Variants in ZNRF3 observed in about 807,000 individuals in gnomAD.
ZNRF3 encodes E3 ubiquitin-protein ligase ZNRF3.
In ZNRF3, 23 loss-of-function variants were observed where a neutral mutation model predicts 72.5. The observed-to-expected ratio is 0.32, with a 90% CI of 0.23 to 0.45. The LOEUF is 0.45. ZNRF3 is among the 20% of genes least tolerant of loss of function. ZNRF3 has a pLI of 1.00. For synonymous variants in ZNRF3, 610 were observed against 545.3 expected (o/e 1.12, Z -1.65); for missense variants, 1,169 against 1,272.1 (o/e 0.92, Z 1.23).
intron 1 of ZNRF3, among the ~76,000 whole-genome samples, chr22:28,911,488 G>T (rs2034316271): frequency 6.6e-6 from 1 of 152,168 alleles, no homozygotes; most frequent in African/African-American, 2.4e-5. Flanking sequence ...AGAACAGTCT[G>T]GAATGTAAGG....
intron 2 of ZNRF3, among the ~76,000 whole-genome samples, chr22:29,037,254 T>C (rs1183809732): frequency 6.6e-6 from 1 of 152,158 alleles, no homozygotes; most frequent in Non-Finnish European, 1.5e-5. Context: ...TGGGTATAAC[T>C]ACACACACTG....
At chr22:28,901,687 A>G (rs375100174) in intron 1 of ZNRF3, among the ~76,000 whole-genome samples, 2 of 137,154 alleles carry the variant, frequency 1.5e-5, no homozygotes, top group South Asian at 2.3e-4. Flanking sequence ...CACTCAGACT[A>G]GAGTGTGTAG....
In ZNRF3 at chr22:29,050,639, C is replaced by T; in HGVS notation, c.2458C>T (p.Pro820Ser). 1.9e-6 allele frequency: 3 copies of T among 1,611,728 alleles called. No homozygotes were observed. The South Asian group carries it at 3.3e-5, about 18-fold the overall frequency. The change falls in exon 8 of 9, where the codon CCC becomes TCC. Residue 820 changes from proline to serine, a missense_variant. This residue lies in a region of ZNRF3 where 783 missense variants were observed against 731.4 expected (regional missense o/e 1.07). Coordinates refer to ENST00000544604, the MANE Select transcript of ZNRF3 (RefSeq NM_001206998.2). ...LTEEPPPGCYPGARDLSQRIP... is the reference protein window; with the variant it reads ...LTEEPPPGCYSGARDLSQRIP... ...CGAGGAACCACCGCCCGGCTGCTAC[C>T]CCGGGGCCCGGGACCTGAGCCAGCG...
Position 29,048,288 on chromosome 22 carries a change from A to T in ZNRF3, c.913-101A>T. 1.1e-6 allele frequency: 1 copy of T among 872,986 alleles called. No individual in the cohort carries two copies. The highest frequency in any genetic ancestry group is 2.2e-5 in the Admixed American group (1 of 44,628). 54.1% of individuals were successfully genotyped at this position (872,986 alleles called of 1,614,324 possible). ...GGTGGGGAGGAGAGTAGGGAAGGGC[A>T]CGGGCATGCTGTGCAGAACTCCTTG... On this transcript the variant is annotated intron_variant, in intron 6 of 8. Coordinates refer to ENST00000544604, the MANE Select transcript of ZNRF3 (RefSeq NM_001206998.2). The surrounding 1 kb of genome is among the most constrained non-coding windows in gnomAD (Gnocchi z 4.9).
At chr22:28,889,872 G>A (rs77709410) in intron 1 of ZNRF3, among the ~76,000 whole-genome samples, 4,285 of 152,240 alleles carry the variant, frequency 0.028, 185 homozygotes, top group African/African-American at 0.092. Context: ...TGAAATGCCT[G>A]AAGAGTAGCT....
chr22:29,045,364 A>C (rs2037048780), intron 5 of ZNRF3, among the ~76,000 whole-genome samples: 1 of 46,184 alleles, frequency 2.2e-5, no homozygotes, highest in South Asian at 7.1e-4. Context: ...CTGTCTCACA[A>C]AAAAAAAAAA....
chr22:29,026,800 G>A (rs1174068436), intron 2 of ZNRF3: 4 of 152,232 alleles, frequency 2.6e-5, no homozygotes, highest in Non-Finnish European at 5.9e-5. Context: ...GGATGTCTGT[G>A]ATCATTGTTG....
intron 2 of ZNRF3, among the ~76,000 whole-genome samples, chr22:28,994,185 T>TTTTCTTTTTTTTTC (rs1569274169): frequency 1.0e-5 from 1 of 98,810 alleles, no homozygotes; most frequent in South Asian, 3.8e-4. Flanking sequence ...TCTTTTTTTT[T>TTTTCTTTTTTTTTC]TTTTTTTTTT....
intron 1 of ZNRF3, among the ~76,000 whole-genome samples, chr22:28,919,846 A>T (rs132547): frequency 6.6e-6 from 1 of 152,072 alleles, no homozygotes; most frequent in Non-Finnish European, 1.5e-5. Flanking sequence ...ATAAGCGATG[A>T]GGGGGTGAAA....
chr22:29,020,399 T>C (rs1272794777), intron 2 of ZNRF3, among the ~76,000 whole-genome samples: 1 of 151,770 alleles, frequency 6.6e-6, no homozygotes, highest in African/African-American at 2.4e-5. Context: ...TAGCTGGGAC[T>C]ACAGGTGCAT....
rs745608644 is a variant in ZNRF3 at position 29,049,294 on chromosome 22, C to T, written c.1113C>T (p.Arg371=). 6 of 1,613,848 alleles carry T rather than the reference C, an allele frequency of 3.7e-6. No homozygotes were observed. In the African/African-American group the frequency reaches 5.3e-5, roughly 14 times the overall value. The change falls in exon 8 of 9, where the codon CGC becomes CGT. Residue 371 remains arginine, a synonymous_variant. Coordinates refer to ENST00000544604, the MANE Select transcript of ZNRF3 (RefSeq NM_001206998.2). The surrounding 1 kb of genome is among the most constrained non-coding windows in gnomAD (Gnocchi z 5.2). Reference sequence around the variant, plus strand: ...CCCTGCCGGTGCATTACCCCGGCCGCGTGCACAGGACCAACGCCATCCCAG... The same window carrying T: ...CCCTGCCGGTGCATTACCCCGGCCGTGTGCACAGGACCAACGCCATCCCAG... ...RVTLPVHYPG[R]VHRTNAIPAY...
At chr22:28,974,686 T>C (rs1359478268) in intron 1 of ZNRF3, among the ~76,000 whole-genome samples, 1 of 152,198 alleles carries the variant, frequency 6.6e-6, no homozygotes, top group Non-Finnish European at 1.5e-5. Flanking sequence ...CTCACTCTTG[T>C]CCAGGCTGGC....
chr22:29,020,787 GTGT>G (rs1569284281), intron 2 of ZNRF3, among the ~76,000 whole-genome samples: 60 of 150,018 alleles, frequency 4.0e-4, no homozygotes, highest in African/African-American at 1.4e-3. Flanking sequence ...GTGTGTGTGT[GTGT>G]GTGTGTGTGT....
At chr22:28,889,844 C>T (rs1379008907) in intron 1 of ZNRF3, among the ~76,000 whole-genome samples, 4 of 152,124 alleles carry the variant, frequency 2.6e-5, no homozygotes, top group South Asian at 2.1e-4. Flanking sequence ...AAAAATGAAA[C>T]GGAGCACCTG....
chr22:28,911,714 A>G (rs913701915), intron 1 of ZNRF3, among the ~76,000 whole-genome samples: 3 of 151,868 alleles, frequency 2.0e-5, no homozygotes, highest in Non-Finnish European at 4.4e-5. Flanking sequence ...TATCATGAGT[A>G]TGTAGAAACT....
intron 2 of ZNRF3, chr22:28,992,848 CAG>C (rs1281768718): frequency 1.3e-5 from 2 of 152,192 alleles, no homozygotes; most frequent in Non-Finnish European, 2.9e-5. Flanking sequence ...CCCCTGAACA[CAG>C]AGAGTGATTG....
Position 29,049,684 on chromosome 22 carries a change from G to C in ZNRF3, c.1503G>C (p.Pro501=), listed in dbSNP as rs749859649. 3 of 1,607,394 alleles carry C rather than the reference G, an allele frequency of 1.9e-6. No individual in the cohort carries two copies. The highest frequency in any genetic ancestry group is 1.3e-5 in the African/African-American group (1 of 74,998). Residue 501 remains proline (P), a synonymous_variant, in exon 8 of 9, where the codon CCG becomes CCC. Transcript: ENST00000544604. This position sits in a 1 kb window ranked among gnomAD's most constrained non-coding sequence, Gnocchi z 5.2. ...APRGPARAFP[P]SGSGSLLFPT... is the part of the protein sequence containing the mutation. ...GGGGCCCGGCCCGTGCCTTTCCTCC[G>C]AGCGGCAGTGGCAGCCTGCTCTTCC...
chr22:28,924,772 G>A (rs1023845709), intron 1 of ZNRF3, among the ~76,000 whole-genome samples: 2 of 152,106 alleles, frequency 1.3e-5, no homozygotes, highest in Non-Finnish European at 2.9e-5. Flanking sequence ...TTAAAAAGTA[G>A]GCAAGAGGGC....
At chr22:28,960,781 C>T (rs2035344182) in intron 1 of ZNRF3, among the ~76,000 whole-genome samples, 1 of 152,110 alleles carries the variant, frequency 6.6e-6, no homozygotes, top group African/African-American at 2.4e-5. Flanking sequence ...GGCTCCTGCT[C>T]ATTCTTACTT....
Sources: allele counts gnomAD v4.1 joint callset (sites outside exome capture counted in the v4.1 genomes callset), GRCh38; gene constraint gnomAD v4.1.1; regional missense constraint gnomAD v4.1.1; non-coding constraint Gnocchi (gnomAD v3.1); transcripts MANE v1.5; gene names NCBI Gene and HGNC (gene_info 2026-07-23, HGNC 2026-07-21).